The following ANKRD11 variants were observed in gnomAD, a reference collection of about 807,000 sequenced individuals.
The protein encoded by ANKRD11 is ankyrin repeat domain-containing protein 11.
A neutral mutation model predicts 195.7 loss-of-function variants in ANKRD11; 17 were observed. The observed-to-expected ratio is 0.09, with a 90% CI of 0.06 to 0.13. The LOEUF is 0.13. Among genes scored for constraint, ANKRD11 ranks in the 10% least tolerant of loss-of-function variants. The pLI is 1.00. For missense variants in ANKRD11, 3,735 were observed against 3,566.1 expected (o/e 1.05, Z -1.21); for synonymous variants, 1,953 against 1,528.1 (o/e 1.28, Z -6.49).
intron 1 of ANKRD11, among the ~76,000 whole-genome samples, chr16:89,467,750 T>C (rs752563918): frequency 3.3e-5 from 5 of 152,172 alleles, no homozygotes; most frequent in Admixed American, 6.5e-5. Flanking sequence ...ATACTGCATA[T>C]GTTTTTAAAA....
chr16:89,465,748 T>C (rs1439083173), intron 1 of ANKRD11, among the ~76,000 whole-genome samples: 1 of 152,172 alleles, frequency 6.6e-6, no homozygotes, highest in Non-Finnish European at 1.5e-5. Context: ...TCTCGCTCTG[T>C]CGCCCAGGCT....
rs968960461 is a variant in ANKRD11, at chr16:89,321,804, G to A, written c.-59-4726C>T. The stretch of plus-strand genomic sequence containing the variant: ...CAACCTGGGTCTGGGTTTGCACTGC[G>A]TGGGTTCACTTACACGCAGATTTTC... On this transcript the variant is annotated intron_variant, in intron 2 of 12. Coordinates refer to ENST00000301030, the MANE Select transcript of ANKRD11 (RefSeq NM_013275.6). Among the ~76,000 whole-genome samples, 12 of 152,236 alleles carry A rather than the reference G, an allele frequency of 7.9e-5. No homozygotes were observed. In the East Asian group the frequency reaches 1.2e-3, roughly 15 times the overall value.
chr16:89,378,626 C>G (rs2040518638), intron 2 of ANKRD11, among the ~76,000 whole-genome samples: 1 of 152,180 alleles, frequency 6.6e-6, no homozygotes, highest in East Asian at 1.9e-4. Flanking sequence ...GCTCAAGTAG[C>G]TTCTCTTGTT....
rs202042792 is a variant in ANKRD11 at position 89,281,512 on chromosome 16, T to C, written c.5030A>G (p.Lys1677Arg). The C allele has an allele frequency of 2.5e-6, 4 of 1,614,176 alleles. No homozygotes were observed. Among genetic ancestry groups the C allele is most frequent in the East Asian group, 2.2e-5 (1 of 44,874 alleles). ...CATGTGAGGGCCTGCCAGCCAGTCT[T>C]TGGAGTCTGCACCTGATGCTGGGTG... ...KLHPASGADS[K>R]DWLAGPHMKE... Residue 1677 changes from lysine (K) to arginine (R), a missense_variant, in exon 9 of 13, where the codon AAA (lysine) becomes AGA (arginine). Transcript: ENST00000301030. This position sits in a 1 kb window ranked among gnomAD's most constrained non-coding sequence, Gnocchi z 5.5.
At chr16:89,316,049 G>A (rs531485550) in intron 3 of ANKRD11, among the ~76,000 whole-genome samples, 16 of 152,152 alleles carry the variant, frequency 1.1e-4, no homozygotes, top group Admixed American at 2.6e-4. Context: ...ACAGATGAAC[G>A]GCCTGCCACA....
chr16:89,284,352 C>T lies in ANKRD11; in HGVS notation c.2190G>A (p.Arg730=), dbSNP rs1198378684. ...RIKDTNKDIS[R]SFREEKDRSN... ...AACGGTCTTTCTCTTCTCGGAAAGA[C>T]CTGCTGATGTCTTTGTTTGTGTCTT... The change falls in exon 9 of 13, where the codon AGG becomes AGA. Residue 730 remains arginine, a synonymous_variant. Coordinates refer to ENST00000301030, the MANE Select transcript of ANKRD11 (RefSeq NM_013275.6). 6.2e-7 allele frequency: 1 copy of T among 1,613,800 alleles called. No individual in the cohort carries two copies. Among genetic ancestry groups the T allele is most frequent in the Non-Finnish European group, 8.5e-7 (1 of 1,179,996 alleles).
At chr16:89,342,163 T>G (rs1203385504) in intron 2 of ANKRD11, among the ~76,000 whole-genome samples, 3 of 152,256 alleles carry the variant, frequency 2.0e-5, no homozygotes, top group African/African-American at 7.2e-5. Flanking sequence ...TCTTGGCGTC[T>G]GGGCCTCAAA....
intron 2 of ANKRD11, among the ~76,000 whole-genome samples, chr16:89,366,063 GAGGTTGC>G (rs1323765151): frequency 6.7e-6 from 1 of 149,978 alleles, no homozygotes; most frequent in Non-Finnish European, 1.5e-5. Context: ...CTGGAAGGTG[GAGGTTGC>G]AGTGAGCTAA....
In ANKRD11 at chr16:89,288,634, T is replaced by G. The variant is rs1192980008; in HGVS notation, c.638A>C (p.Tyr213Ser). The change falls in exon 7 of 13, where the codon TAC becomes TCC. Residue 213 changes from tyrosine (Y) to serine (S), a missense_variant. Coordinates refer to ENST00000301030, the MANE Select transcript of ANKRD11 (RefSeq NM_013275.6). Reference sequence around the variant, plus strand: ...CAGCAGCTGCTTCGCGACGTCGTAGTAGCCCCGGTTACAGGCCTCGTGCAG... The same window carrying G: ...CAGCAGCTGCTTCGCGACGTCGTAGGAGCCCCGGTTACAGGCCTCGTGCAG... The part of the protein sequence containing the change: ...TALHEACNRG[Y>S]YDVAKQLLAA... 1 of 1,614,110 alleles carries G rather than the reference T, an allele frequency of 6.2e-7. No individual in the cohort carries two copies. The highest frequency in any genetic ancestry group is 8.5e-7 in the Non-Finnish European group (1 of 1,180,038).
chr16:89,480,509 A>G (rs2057411020), intron 1 of ANKRD11, among the ~76,000 whole-genome samples: 1 of 152,196 alleles, frequency 6.6e-6, no homozygotes, highest in Admixed American at 6.6e-5. Flanking sequence ...CTAACTTTTA[A>G]GATTTCCAAC....
rs556440816 is a variant in ANKRD11, at chr16:89,305,686, G to A, written c.88-342C>T. Among the ~76,000 whole-genome samples, 149 of 36,240 alleles carry A rather than the reference G, an allele frequency of 4.1e-3. 2 individuals are homozygous for A. The highest frequency in any genetic ancestry group is 0.015 in the African/African-American group (137 of 9,434). 23.8% of individuals were successfully genotyped at this position (36,240 alleles called of 152,430 possible). On this transcript the variant is annotated intron_variant, in intron 3 of 12. Transcript: ENST00000301030. ...GCGCTACCTCCCACTCCGCAGACAC[G>A]CGCCACCTCCCACTCCGCAGACACG...
chr16:89,286,874 T>G, intron 7 of ANKRD11: 1 of 1,288,576 alleles, frequency 7.8e-7, no homozygotes, highest in Non-Finnish European at 1.0e-6. Flanking sequence ...AATCCCAACT[T>G]TAGTCCAGTC....
chr16:89,352,496 C>T (rs978562554), intron 2 of ANKRD11, among the ~76,000 whole-genome samples: 1 of 152,112 alleles, frequency 6.6e-6, no homozygotes, highest in African/African-American at 2.4e-5. Context: ...AAGGCTCACA[C>T]CCTTCAGAGC....
chr16:89,276,177 G>A (rs1312282391), intron 9 of ANKRD11, among the ~76,000 whole-genome samples: 1 of 152,204 alleles, frequency 6.6e-6, no homozygotes, highest in Non-Finnish European at 1.5e-5. Context: ...TGACAGCCAA[G>A]GCTGGGGCGA....
chr16:89,317,477 G>A (rs2037034386), intron 2 of ANKRD11, among the ~76,000 whole-genome samples: 1 of 152,158 alleles, frequency 6.6e-6, no homozygotes, highest in African/African-American at 2.4e-5. Flanking sequence ...GTCACAACAC[G>A]CAGCGCAGTA....
intron 2 of ANKRD11, among the ~76,000 whole-genome samples, chr16:89,413,437 A>C (rs941743593): frequency 1.3e-5 from 2 of 152,102 alleles, no homozygotes; most frequent in Admixed American, 1.3e-4. Flanking sequence ...CATCCTAGCT[A>C]ACACGAGGAA....
At chr16:89,487,211 C>T (rs2057647398) in intron 1 of ANKRD11, among the ~76,000 whole-genome samples, 1 of 152,188 alleles carries the variant, frequency 6.6e-6, no homozygotes, top group African/African-American at 2.4e-5. Context: ...GATGCACCAT[C>T]ATTTTCACCG....
chr16:89,351,516 C>T (rs2039217576), intron 2 of ANKRD11, among the ~76,000 whole-genome samples: 1 of 152,144 alleles, frequency 6.6e-6, no homozygotes, highest in African/African-American at 2.4e-5. Context: ...AGGATCCTAG[C>T]GAACTTTTTC....
chr16:89,340,290 G>C (rs1303265485), intron 2 of ANKRD11, among the ~76,000 whole-genome samples: 1 of 152,196 alleles, frequency 6.6e-6, no homozygotes, highest in African/African-American at 2.4e-5. Context: ...TGTTGTTGTT[G>C]TTTTTGAGAC....
Sources: gnomAD v4.1 joint callset for allele counts (sites outside exome capture counted in the v4.1 genomes callset) on GRCh38, gnomAD v4.1.1 for gene constraint, Gnocchi (gnomAD v3.1) non-coding constraint, MANE v1.5 for transcripts, NCBI Gene and HGNC (gene_info 2026-07-23, HGNC 2026-07-21) for gene names.